The following DTNB variants were observed in gnomAD, a reference collection of about 807,000 sequenced individuals.
DTNB encodes the protein DTN-B.
A neutral mutation model predicts 90.7 loss-of-function variants in DTNB; 63 were observed. That is an observed-to-expected ratio of 0.69 (90% CI 0.57 to 0.86). DTNB has a LOEUF of 0.86. DTNB is among the 40% of genes least tolerant of loss of function. DTNB has a pLI of 0.00. For missense variants in DTNB, 744 were observed against 807.1 expected (o/e 0.92, Z 0.95); for synonymous variants, 277 against 286.7 (o/e 0.97, Z 0.34).
chr2:25,462,252 C>A (rs2061071004), intron 10 of DTNB, among the ~76,000 whole-genome samples: 1 of 152,028 alleles, frequency 6.6e-6, no homozygotes, highest in South Asian at 2.1e-4. Flanking sequence ...TGGTAGCAGG[C>A]AAGCCATCAG....
chr2:25,529,531 A>G (rs191135827), intron 9 of DTNB, among the ~76,000 whole-genome samples: 36 of 152,318 alleles, frequency 2.4e-4, no homozygotes, highest in African/African-American at 8.4e-4. Context: ...ATTATGGGGA[A>G]CAGATAAACT....
intron 5 of DTNB, among the ~76,000 whole-genome samples, chr2:25,603,010 C>G (rs1310641231): frequency 6.6e-6 from 1 of 152,112 alleles, no homozygotes; most frequent in Non-Finnish European, 1.5e-5. Context: ...AGGATAAACT[C>G]AAGAAGTAGA....
intron 8 of DTNB, among the ~76,000 whole-genome samples, chr2:25,573,095 G>A (rs998399381): frequency 2.0e-5 from 3 of 152,038 alleles, no homozygotes; most frequent in African/African-American, 2.4e-5. Context: ...ACAGGCACCC[G>A]CCACCACACC....
chr2:25,534,367 G>A (rs959544824), intron 8 of DTNB, among the ~76,000 whole-genome samples: 16 of 152,228 alleles, frequency 1.1e-4, no homozygotes, highest in Non-Finnish European at 2.9e-5. Flanking sequence ...ATTTTTCTTA[G>A]TACAGAACAA....
intron 11 of DTNB, among the ~76,000 whole-genome samples, chr2:25,454,296 A>G (rs1465800927): frequency 6.6e-6 from 1 of 152,240 alleles, no homozygotes; most frequent in African/African-American, 2.4e-5. Context: ...TTTCATATGT[A>G]TATTTCCCAA....
intron 3 of DTNB, 88 bp downstream of exon 3, chr2:25,638,926 C>T (rs1193094694): frequency 7.9e-7 from 1 of 1,268,080 alleles, no homozygotes; most frequent in Non-Finnish European, 1.1e-6. Context: ...ATTCAATTAA[C>T]ATTACAATAC....
At chr2:25,651,257 C>G (rs1005391464) in intron 2 of DTNB, among the ~76,000 whole-genome samples, 1 of 152,184 alleles carries the variant, frequency 6.6e-6, no homozygotes, top group Admixed American at 6.5e-5. Flanking sequence ...CAATGCCATT[C>G]CTGCTTTATG....
At chr2:25,588,048 T>A (rs2062783857) in intron 6 of DTNB, among the ~76,000 whole-genome samples, 1 of 152,236 alleles carries the variant, frequency 6.6e-6, no homozygotes, top group Non-Finnish European at 1.5e-5. Flanking sequence ...TCAGGGGAAC[T>A]TGGCAGTTTG....
chr2:25,575,255 A>C (rs74334264), intron 8 of DTNB, among the ~76,000 whole-genome samples: 3 of 151,856 alleles, frequency 2.0e-5, no homozygotes, highest in Non-Finnish European at 4.4e-5. Flanking sequence ...AAAAAAAAAA[A>C]CCAGTGGAAA....
intron 8 of DTNB, among the ~76,000 whole-genome samples, chr2:25,536,228 C>G (rs1459184228): frequency 6.6e-6 from 1 of 151,806 alleles, no homozygotes; most frequent in Admixed American, 6.6e-5. Context: ...GACGGGGCGG[C>G]CGGGCAGAGG....
intron 8 of DTNB, among the ~76,000 whole-genome samples, chr2:25,538,473 CAG>C (rs2080360009): frequency 1.3e-5 from 2 of 152,024 alleles, no homozygotes; most frequent in African/African-American, 4.8e-5. Context: ...TTTTTTTAGA[CAG>C]AGTTTTGCTC....
intron 4 of DTNB, among the ~76,000 whole-genome samples, chr2:25,625,510 A>G (rs2073913888): frequency 6.7e-6 from 1 of 149,122 alleles, no homozygotes; most frequent in African/African-American, 2.5e-5. Flanking sequence ...TACCCAACTC[A>G]CTAATAACAT....
At chr2:25,410,943 T>C (rs2149721791) in intron 16 of DTNB, among the ~76,000 whole-genome samples, 1 of 152,096 alleles carries the variant, frequency 6.6e-6, no homozygotes, top group South Asian at 2.1e-4. Flanking sequence ...TCTTTTTTTT[T>C]TTTTTTTTTA....
chr2:25,590,256 T>A (rs1258119734), intron 6 of DTNB, among the ~76,000 whole-genome samples: 1 of 152,200 alleles, frequency 6.6e-6, no homozygotes, highest in Admixed American at 6.5e-5. Context: ...GCAAGGGGCA[T>A]ATTTCAGCCC....
chr2:25,383,213 C>CTT (rs34341817), intron 19 of DTNB, among the ~76,000 whole-genome samples: 5 of 108,022 alleles, frequency 4.6e-5, no homozygotes, highest in East Asian at 2.3e-4. Flanking sequence ...CATTTTTGGT[C>CTT]TTTTTTTTTT....
intron 9 of DTNB, among the ~76,000 whole-genome samples, chr2:25,489,249 C>T (rs2066859140): frequency 6.6e-6 from 1 of 152,166 alleles, no homozygotes. Flanking sequence ...AGATAAATAA[C>T]TTGTACCTTT....
chr2:25,604,085 T>C (rs886701585), intron 5 of DTNB, among the ~76,000 whole-genome samples: 1 of 152,146 alleles, frequency 6.6e-6, no homozygotes, highest in African/African-American at 2.4e-5. Context: ...ATATTAAAAG[T>C]AGTAAGTCAG....
At chr2:25,662,463 T>C (rs907970181) in intron 1 of DTNB, among the ~76,000 whole-genome samples, 29 of 152,062 alleles carry the variant, frequency 1.9e-4, no homozygotes, top group African/African-American at 6.8e-4. Flanking sequence ...CTTAAAAACA[T>C]GCATATTAAC....
chr2:25,502,986 C>A (rs187730770), intron 9 of DTNB, among the ~76,000 whole-genome samples: 156 of 128,100 alleles, frequency 1.2e-3, no homozygotes, highest in Non-Finnish European at 2.1e-3. Context: ...CCCGGGAGGG[C>A]AAGGCTGCAG....
Sources: gnomAD v4.1 joint callset for allele counts (sites outside exome capture counted in the v4.1 genomes callset) on GRCh38, gnomAD v4.1.1 for gene constraint, MANE v1.5 for transcripts, NCBI Gene and HGNC (gene_info 2026-07-23, HGNC 2026-07-21) for gene names.